Variants in MOB3C observed in about 807,000 individuals in gnomAD.
MOB3C encodes the protein MOB kinase activator 3C.
MOB3C carries 17 observed loss-of-function variants against 19.8 expected under a neutral mutation model. That is an observed-to-expected ratio of 0.86 (90% CI 0.59 to 1.29). MOB3C has a LOEUF of 1.29. Ranked by LOEUF, MOB3C falls within the 50% of genes most tolerant of loss-of-function variation. The pLI, the probability that MOB3C is intolerant of heterozygous loss-of-function variation, is 0.00. For missense variants in MOB3C, 291 were observed against 301.9 expected, an observed-to-expected ratio of 0.96 and a Z score of 0.27; for synonymous variants, 101 against 119.2, an observed-to-expected ratio of 0.85 and a Z score of 0.99.
Position 46,613,154 on chromosome 1 carries a change from G to C in MOB3C, c.168C>G (p.Ile56Met). Reference sequence around the variant, plus strand: ...CCACGTGCACGGCGATCCAGTCGTCGATGTTCTCCCCGGGTGGTAGCCTCA... The same window carrying C: ...CCACGTGCACGGCGATCCAGTCGTCCATGTTCTCCCCGGGTGGTAGCCTCA... ...SVVRLPPGENIDDWIAVHVVD... is the reference protein window; with the variant it reads ...SVVRLPPGENMDDWIAVHVVD... The change falls in exon 2 of 4, where the codon ATC becomes ATG. Residue 56 changes from isoleucine (I) to methionine (M), a missense_variant. Physicochemically the swap from Ile to Met is conservative, Grantham distance 10. Coordinates refer to ENST00000319928, the MANE Select transcript of MOB3C (RefSeq NM_201403.3). 1 of 1,614,282 alleles carries C rather than the reference G, an allele frequency of 6.2e-7. No homozygotes were observed. Among genetic ancestry groups the C allele is most frequent in the Non-Finnish European group, 8.5e-7 (1 of 1,180,052 alleles).
intron 1 of MOB3C, chr1:46,613,794 GGTGGA>G: frequency 5.6e-6 from 1 of 179,496 alleles, no homozygotes; most frequent in Non-Finnish European, 1.2e-5. Context: ...CTGGGGGCAG[GGTGGA>G]GGGGGGTCGG....
intron 1 of MOB3C, chr1:46,616,046 A>G (rs893013135): frequency 1.3e-5 from 2 of 152,192 alleles, no homozygotes; most frequent in African/African-American, 4.8e-5. Context: ...CTGTCACAGA[A>G]CCTCTGTCTC....
In MOB3C at chr1:46,610,015, T is replaced by TCC. The variant is rs781205389; in HGVS notation, c.606_607dup (p.Glu203GlyfsTer6). On this transcript the variant is annotated frameshift_variant, in exon 3 of 4. Coordinates refer to ENST00000319928, the MANE Select transcript of MOB3C (RefSeq NM_201403.3). LOFTEE classifies it high-confidence loss of function. ...GCTTGGCCTCACCAGTGGCTCCAGC[T>TCC]CCCGCTGGTCCACCAGACTGAACTC... is the stretch of plus-strand genomic sequence containing the variant. 2 of 1,614,206 alleles carry TCC rather than the reference T, an allele frequency of 1.2e-6. No individual in the cohort carries two copies. Among genetic ancestry groups the TCC allele is most frequent in the Non-Finnish European group, 1.7e-6 (2 of 1,180,044 alleles).
In MOB3C at chr1:46,609,301, C is replaced by T. The variant is rs932501585; in HGVS notation, c.*354G>A. 7 of 387,926 alleles carry T rather than the reference C, an allele frequency of 1.8e-5. No individual in the cohort carries two copies. The East Asian group carries it at 3.6e-4, about 20-fold the overall frequency. 24.0% of individuals were successfully genotyped at this position (387,926 alleles called of 1,614,324 possible). A position where few individuals can be genotyped will look rare whatever the true frequency, so the allele number is the denominator to read the frequency against. On this transcript the variant is annotated 3_prime_UTR_variant, in exon 4 of 4. Coordinates refer to ENST00000319928, the MANE Select transcript of MOB3C (RefSeq NM_201403.3). ...AGGCAGACTGCTCACTTTCTTGCAC[C>T]TTTCTTGCCATCACCTCGGCCACAC...
chr1:46,610,212 G>A lies in MOB3C; in HGVS notation c.419-8C>T, dbSNP rs1317196466. The A allele has an allele frequency of 2.5e-6, 4 of 1,613,622 alleles. No homozygotes were observed. Among genetic ancestry groups the A allele is most frequent in the South Asian group, 1.1e-5 (1 of 91,074 alleles). On this transcript the variant is annotated splice_polypyrimidine_tract_variant and splice_region_variant and intron_variant, in intron 2 of 3. Coordinates refer to ENST00000319928, the MANE Select transcript of MOB3C (RefSeq NM_201403.3). ...TCTTAGGGAAGGGAACTCCTAGAGG[G>A]CAGGGGAGGGCAGAAGGGGATCAGT...
chr1:46,613,398 C>G, intron 1 of MOB3C, 27 bp from the exon 2 acceptor site: 1 of 1,564,390 alleles, frequency 6.4e-7, no homozygotes, highest in Non-Finnish European at 8.6e-7. Context: ...CATAGGGGAG[C>G]TGGCGGTCAA....
At position 46,609,496 on chromosome 1, in the gene MOB3C, A is replaced by G. The variant is rs1675424868; in HGVS notation, c.*159T>C. ...TCTCCATCCACAAGCGGTCAGGGCG[A>G]CAGGTAGGCAGACTCCTGAGAACCA... is the stretch of plus-strand genomic sequence containing the variant. On this transcript the variant is annotated 3_prime_UTR_variant, in exon 4 of 4. Transcript: ENST00000319928. 1 of 887,512 alleles carries G rather than the reference A, an allele frequency of 1.1e-6. No individual in the cohort carries two copies. Among genetic ancestry groups the G allele is most frequent in the Admixed American group, 2.0e-5 (1 of 49,198 alleles). 55.0% of individuals were successfully genotyped at this position (887,512 alleles called of 1,614,324 possible). A position where few individuals can be genotyped will look rare whatever the true frequency, so the allele number is the denominator to read the frequency against.
rs1436150479 is a variant in MOB3C at position 46,611,887 on chromosome 1, C to T, written c.418+1017G>A. On this transcript the variant is annotated intron_variant, in intron 2 of 3. Transcript: ENST00000319928. The surrounding 1 kb of genome is among the most constrained non-coding windows in gnomAD (Gnocchi z 4.1). Reference sequence around the variant, plus strand: ...TGAATTGTGACTCAGTGCCCAGCTTCCTTCAGCATTCAGACTTCTCCCCTC... The same window carrying T: ...TGAATTGTGACTCAGTGCCCAGCTTTCTTCAGCATTCAGACTTCTCCCCTC... 1.3e-5 allele frequency among the ~76,000 whole-genome samples: 2 copies of T among 152,178 alleles called. No homozygotes were observed. The highest frequency in any genetic ancestry group is 4.8e-5 in the African/African-American group (2 of 41,442).
rs1450271447 is a variant in MOB3C at position 46,610,119 on chromosome 1, G to C, written c.504C>G (p.His168Gln). The C allele has an allele frequency of 4.3e-6, 7 of 1,614,102 alleles. 1 individual carries two copies. Among genetic ancestry groups the C allele is most frequent in the Non-Finnish European group, 5.9e-6 (7 of 1,180,052 alleles). The change falls in exon 3 of 4, where the codon CAC becomes CAG. Residue 168 changes from histidine to glutamine, a missense_variant. Physicochemically the swap from His to Gln is conservative, Grantham distance 24. Coordinates refer to ENST00000319928, the MANE Select transcript of MOB3C (RefSeq NM_201403.3). ...LFRVFVHVYI[H>Q]HFDSILSMGA... is the part of the protein sequence containing the mutation. ...CCATGCTGAGGATGCTATCGAAGTGGTGGATGTAGACATGGACAAAGACTC... is the reference window on the plus strand; with the variant it reads ...CCATGCTGAGGATGCTATCGAAGTGCTGGATGTAGACATGGACAAAGACTC...
chr1:46,615,053 A>G (rs1675537309), intron 1 of MOB3C: 1 of 1,613,088 alleles, frequency 6.2e-7, no homozygotes, highest in Non-Finnish European at 8.5e-7. Flanking sequence ...CAGTTTCCAG[A>G]GCAAAGAGAT....
At position 46,616,100 on chromosome 1, in the gene MOB3C, G is replaced by T. The variant is rs114160720; in HGVS notation, c.-51+611C>A. The stretch of plus-strand genomic sequence containing the variant: ...TCCCCGTCCTAGCCCCCATTTCCCA[G>T]TGATGGCTATCCTTTCACTCCTGGA... On this transcript the variant is annotated intron_variant, in intron 1 of 3. Transcript: ENST00000319928. 3.7e-3 allele frequency: 570 copies of T among 152,598 alleles called. 3 individuals carry two copies. The highest frequency in any genetic ancestry group is 6.5e-3 in the Non-Finnish European group (443 of 68,298). The allele number at this position is 152,598 out of a possible 1,614,324, so 9.5% of individuals were successfully genotyped here.
rs574459735 is a variant in MOB3C at position 46,611,198 on chromosome 1, C to T, written c.419-994G>A. Reference sequence around the variant, plus strand: ...AGGCCTTGTGCTGGGCCCTTCACACCTTTTGCCTCTAATCCTTAGAACAAT... The same window carrying T: ...AGGCCTTGTGCTGGGCCCTTCACACTTTTTGCCTCTAATCCTTAGAACAAT... On this transcript the variant is annotated intron_variant, in intron 2 of 3. Transcript: ENST00000319928. This position sits in a 1 kb window ranked among gnomAD's most constrained non-coding sequence, Gnocchi z 4.1. 3.3e-5 allele frequency among the ~76,000 whole-genome samples: 5 copies of T among 152,230 alleles called. No individual in the cohort carries two copies. Among genetic ancestry groups the T allele is most frequent in the African/African-American group, 4.8e-5 (2 of 41,462 alleles).
At chr1:46,614,972 G>C in intron 1 of MOB3C, 1 of 1,602,774 alleles carries the variant, frequency 6.2e-7, no homozygotes, top group Non-Finnish European at 8.5e-7. Context: ...AAAACTCACA[G>C]ATGTGAAAGG....
chr1:46,609,327 C>T lies in MOB3C; in HGVS notation c.*328G>A. The T allele has an allele frequency of 2.3e-6, 1 of 442,056 alleles. No individual in the cohort carries two copies. Among genetic ancestry groups the T allele is most frequent in the Non-Finnish European group, 4.2e-6 (1 of 239,816 alleles). The allele number at this position is 442,056 out of a possible 1,614,324, so 27.4% of individuals were successfully genotyped here. The stretch of plus-strand genomic sequence containing the variant: ...TTTCTTGCCATCACCTCGGCCACAC[C>T]CACATTCCTCCAATAGGCTTGGGAA... On this transcript the variant is annotated 3_prime_UTR_variant, in exon 4 of 4. Transcript: ENST00000319928.
At chr1:46,616,075 TC>T (rs1313101485) in intron 1 of MOB3C, 1 of 152,500 alleles carries the variant, frequency 6.6e-6, no homozygotes, top group Admixed American at 6.5e-5. Context: ...CCACTGCCGT[TC>T]CCCGTCCTAG....
Position 46,611,434 on chromosome 1 carries a change from G to A in MOB3C, c.419-1230C>T, listed in dbSNP as rs560743487. 6.6e-6 allele frequency among the ~76,000 whole-genome samples: 1 copy of A among 152,356 alleles called. No homozygotes were observed. Among genetic ancestry groups the A allele is most frequent in the East Asian group, 1.9e-4 (1 of 5,188 alleles). On this transcript the variant is annotated intron_variant, in intron 2 of 3. Coordinates refer to ENST00000319928, the MANE Select transcript of MOB3C (RefSeq NM_201403.3). The surrounding 1 kb of genome is among the most constrained non-coding windows in gnomAD (Gnocchi z 4.1). ...TGCATAGTCCCCCATGCTCAAGGCA[G>A]AGATCTTGGTGGCTTATGCCCTCTT...
rs543977500 is a variant in MOB3C at position 46,609,234 on chromosome 1, T to TCA, written c.*419_*420dup. Reference sequence around the variant, plus strand: ...TCACAGACACACCCCACAGTGAAAATCACACACACACACACACACCCCGGC... The same window carrying TCA: ...TCACAGACACACCCCACAGTGAAAATCACACACACACACACACACACCCCGGC... On this transcript the variant is annotated 3_prime_UTR_variant, in exon 4 of 4. Coordinates refer to ENST00000319928, the MANE Select transcript of MOB3C (RefSeq NM_201403.3). 1,591 of 239,882 alleles carry TCA rather than the reference T, an allele frequency of 6.6e-3. 10 individuals carry two copies. Among genetic ancestry groups the TCA allele is most frequent in the Admixed American group, 0.033 (621 of 18,898 alleles). The allele number at this position is 239,882 out of a possible 1,614,324, so 14.9% of individuals were successfully genotyped here.
At position 46,611,137 on chromosome 1, in the gene MOB3C, T is replaced by C. The variant is rs1675461498; in HGVS notation, c.419-933A>G. 6.6e-6 allele frequency among the ~76,000 whole-genome samples: 1 copy of C among 152,226 alleles called. No individual in the cohort carries two copies. The highest frequency in any genetic ancestry group is 2.4e-5 in the African/African-American group (1 of 41,456). On this transcript the variant is annotated intron_variant, in intron 2 of 3. Coordinates refer to ENST00000319928, the MANE Select transcript of MOB3C (RefSeq NM_201403.3). This position sits in a 1 kb window ranked among gnomAD's most constrained non-coding sequence, Gnocchi z 4.1. ...TTCAGACAGCCCTCATTCCTTCAAA[T>C]ATTCAACAACACGAAGAACCTTCCA...
rs754235902 is a variant in MOB3C, at chr1:46,609,639, A to AAGTCC, written c.*11_*15dup. On this transcript the variant is annotated 3_prime_UTR_variant, in exon 4 of 4. Coordinates refer to ENST00000319928, the MANE Select transcript of MOB3C (RefSeq NM_201403.3). ...CAGATCGTCCATCTGATGGCCAAAAAAGTCCAGACCTGGGCTCAGTGGCAG... is the reference window on the plus strand; with the variant it reads ...CAGATCGTCCATCTGATGGCCAAAAAAGTCCAGTCCAGACCTGGGCTCAGTGGCAG... 9 of 1,614,140 alleles carry AAGTCC rather than the reference A, an allele frequency of 5.6e-6. No individual in the cohort carries two copies. The highest frequency in any genetic ancestry group is 7.6e-6 in the Non-Finnish European group (9 of 1,180,026).
Sources: allele counts gnomAD v4.1 joint callset (sites outside exome capture counted in the v4.1 genomes callset), GRCh38; gene constraint gnomAD v4.1.1; non-coding constraint Gnocchi (gnomAD v3.1); transcripts MANE v1.5; gene names NCBI Gene and HGNC (gene_info 2026-07-23, HGNC 2026-07-21).